The following RNF157 variants were observed in gnomAD, a reference collection of about 807,000 sequenced individuals.
RNF157 encodes ring finger protein 157.
Under a neutral mutation model 88.3 loss-of-function variants are expected in RNF157, and 55 were observed. That is an observed-to-expected ratio of 0.62 (90% CI 0.50 to 0.78). The LOEUF (loss-of-function observed/expected upper bound fraction) is 0.78. RNF157 is among the 30% of genes least tolerant of loss of function. The pLI is 0.00. For synonymous variants in RNF157, 334 were observed against 341.2 expected (o/e 0.98, Z 0.23); for missense variants, 788 against 860.8 (o/e 0.92, Z 1.06).
intron 8 of RNF157, chr17:76,164,425 A>G: frequency 4.9e-6 from 1 of 204,794 alleles, no homozygotes. Flanking sequence ...CCCTAAACCC[A>G]ATGTTGGGAA....
rs2070360577 is a variant in RNF157 at position 76,240,385 on chromosome 17, G to A, written c.-145C>T. ...TGCGGCGCTGCGGCTCTGGCGGCGG[G>A]GAGCCCCCGGCGCGCCGCGCACCAT... On this transcript the variant is annotated 5_prime_UTR_variant, in exon 1 of 19. Coordinates refer to ENST00000269391, the MANE Select transcript of RNF157 (RefSeq NM_052916.3). This position sits in a 1 kb window ranked among gnomAD's most constrained non-coding sequence, Gnocchi z 4.4. The A allele has an allele frequency of 1.6e-5, 3 of 184,486 alleles. No individual in the cohort carries two copies. Among genetic ancestry groups the A allele is most frequent in the African/African-American group, 4.8e-5 (2 of 41,476 alleles). The allele number at this position is 184,486 out of a possible 1,614,324, so 11.4% of individuals were successfully genotyped here. A position where few individuals can be genotyped will look rare whatever the true frequency, so the allele number is the denominator to read the frequency against.
In RNF157 at chr17:76,219,304, A is replaced by C. The variant is rs189563171; in HGVS notation, c.89-6822T>G. On this transcript the variant is annotated intron_variant, in intron 1 of 18. Transcript: ENST00000269391. Reference sequence around the variant, plus strand: ...AAACAGACTACATAAAGACTATATAAATTTTTACATATATTTATATACATA... The same window carrying C: ...AAACAGACTACATAAAGACTATATACATTTTTACATATATTTATATACATA... Among the ~76,000 whole-genome samples the C allele has an allele frequency of 7.0e-4, 106 of 151,942 alleles. No homozygotes were observed. In the East Asian group the frequency reaches 0.017, roughly 24 times the overall value.
chr17:76,165,433 G>A lies in RNF157; in HGVS notation c.672+69C>T, dbSNP rs1011575977. ...TGCTGAGCTCAGGCACCCAGCAAAC[G>A]GGTTACATGTGTCTCACACGAAAGA... On this transcript the variant is annotated intron_variant, in intron 7 of 18. Coordinates refer to ENST00000269391, the MANE Select transcript of RNF157 (RefSeq NM_052916.3). The A allele has an allele frequency of 9.9e-6, 15 of 1,519,914 alleles. No individual in the cohort carries two copies. The African/African-American group carries it at 1.1e-4, about 11-fold the overall frequency. 94.2% of individuals were successfully genotyped at this position (1,519,914 alleles called of 1,614,324 possible).
At position 76,144,764 on chromosome 17, in the gene RNF157, G is replaced by T. The variant is rs77315634; in HGVS notation, c.*471C>A. The stretch of plus-strand genomic sequence containing the variant: ...GCTTGTAGAGGGAAACGCTACGTCC[G>T]TGCAGTATGGCTCTCCCTTTCCACA... On this transcript the variant is annotated 3_prime_UTR_variant, in exon 19 of 19. Coordinates refer to ENST00000269391, the MANE Select transcript of RNF157 (RefSeq NM_052916.3). The T allele has an allele frequency of 0.012, 1,803 of 154,050 alleles. 20 individuals are homozygous for T. The highest frequency in any genetic ancestry group is 0.023 in the Middle Eastern group (7 of 304). 9.5% of individuals were successfully genotyped at this position (154,050 alleles called of 1,614,324 possible). A position where few individuals can be genotyped will look rare whatever the true frequency, so the allele number is the denominator to read the frequency against.
intron 2 of RNF157, among the ~76,000 whole-genome samples, chr17:76,194,867 T>G (rs867870795): frequency 2.0e-5 from 3 of 151,840 alleles, no homozygotes; most frequent in Non-Finnish European, 2.9e-5. Flanking sequence ...TACAAAAAAT[T>G]AGCCAGGCGT....
chr17:76,229,824 T>C (rs2070156765), intron 1 of RNF157, among the ~76,000 whole-genome samples: 1 of 151,974 alleles, frequency 6.6e-6, no homozygotes, highest in African/African-American at 2.4e-5. Flanking sequence ...GTTTTTCTTC[T>C]AAGATATAAG....
intron 1 of RNF157, among the ~76,000 whole-genome samples, chr17:76,220,786 T>C (rs1178675818): frequency 6.6e-6 from 1 of 152,016 alleles, no homozygotes; most frequent in Non-Finnish European, 1.5e-5. Context: ...GGTGAAACCC[T>C]GTCTCTACTA....
chr17:76,166,537 A>T lies in RNF157; in HGVS notation c.562-10T>A. On this transcript the variant is annotated splice_polypyrimidine_tract_variant and intron_variant, in intron 5 of 18. Coordinates refer to ENST00000269391, the MANE Select transcript of RNF157 (RefSeq NM_052916.3). ...CTAAATCAAAGCCAAGCTGAAGGGA[A>T]AGAAAAGGAAAGGAAAAAAAAAGAG... is the stretch of plus-strand genomic sequence containing the variant. 1 of 1,612,074 alleles carries T rather than the reference A, an allele frequency of 6.2e-7. No homozygotes were observed. The highest frequency in any genetic ancestry group is 8.5e-7 in the Non-Finnish European group (1 of 1,178,168).
intron 2 of RNF157, among the ~76,000 whole-genome samples, chr17:76,210,398 G>A (rs542421311): frequency 5.9e-5 from 9 of 151,640 alleles, no homozygotes; most frequent in South Asian, 4.2e-4. Context: ...AGACCATCCT[G>A]GCTAACACAG....
Position 76,144,915 on chromosome 17 carries a change from C to G in RNF157, c.*320G>C, listed in dbSNP as rs1376715343. 3 of 252,698 alleles carry G rather than the reference C, an allele frequency of 1.2e-5. No individual in the cohort carries two copies. The highest frequency in any genetic ancestry group is 6.7e-5 in the African/African-American group (3 of 44,976). The allele number at this position is 252,698 out of a possible 1,614,324, so 15.7% of individuals were successfully genotyped here. A position where few individuals can be genotyped will look rare whatever the true frequency, so the allele number is the denominator to read the frequency against. On this transcript the variant is annotated 3_prime_UTR_variant, in exon 19 of 19. Coordinates refer to ENST00000269391, the MANE Select transcript of RNF157 (RefSeq NM_052916.3). ...AAACTCTAAGCCTTCTTGTTCTACC[C>G]CCTAAGGAGAAAAAAGATGTGTAAG...
intron 9 of RNF157, 127 bp downstream of exon 9, chr17:76,162,425 C>A: frequency 2.8e-6 from 2 of 710,788 alleles, no homozygotes; most frequent in East Asian, 2.8e-5. Context: ...AAATGAGGAA[C>A]AAGAAAATAC....
At chr17:76,217,486 T>C (rs1167728104) in intron 1 of RNF157, among the ~76,000 whole-genome samples, 4 of 152,146 alleles carry the variant, frequency 2.6e-5, no homozygotes, top group Non-Finnish European at 4.4e-5. Flanking sequence ...TTGCTCAGTC[T>C]TTCTAGAGGG....
intron 18 of RNF157, among the ~76,000 whole-genome samples, chr17:76,149,601 T>A (rs1441236162): frequency 6.6e-6 from 1 of 152,116 alleles, no homozygotes; most frequent in Non-Finnish European, 1.5e-5. Context: ...TCCAGCAAAT[T>A]TTCTGCCAGT....
chr17:76,209,142 C>T (rs563938797), intron 2 of RNF157, among the ~76,000 whole-genome samples: 7 of 151,882 alleles, frequency 4.6e-5, no homozygotes, highest in African/African-American at 1.2e-4. Flanking sequence ...AAACTGGACT[C>T]GAATTCTCCT....
At chr17:76,229,205 A>C (rs575020026) in intron 1 of RNF157, among the ~76,000 whole-genome samples, 8 of 152,068 alleles carry the variant, frequency 5.3e-5, no homozygotes, top group Non-Finnish European at 1.0e-4. Context: ...TTCACTTTTC[A>C]CCATACAGAT....
At chr17:76,166,889 G>A in intron 5 of RNF157, 120 bp downstream of exon 5, 1 of 681,222 alleles carries the variant, frequency 1.5e-6, no homozygotes, top group East Asian at 2.5e-5. Flanking sequence ...AAGTCACAAG[G>A]CTGAAAGGTA....
Position 76,172,798 on chromosome 17 carries a change from G to C in RNF157, c.296+904C>G, listed in dbSNP as rs182382754. Among the ~76,000 whole-genome samples the C allele has an allele frequency of 5.9e-5, 9 of 152,076 alleles. No homozygotes were observed. In the East Asian group the frequency reaches 1.5e-3, roughly 26 times the overall value. ...GCCCTAACCAAATTTTTTCACCAGA[G>C]AATCAGACAGCCTTGGTAGACATAT... On this transcript the variant is annotated intron_variant, in intron 3 of 18. Transcript: ENST00000269391.
At chr17:76,218,920 CA>C (rs1241031020) in intron 1 of RNF157, among the ~76,000 whole-genome samples, 1 of 151,196 alleles carries the variant, frequency 6.6e-6, no homozygotes, top group Non-Finnish European at 1.5e-5. Context: ...GGTGACAGAG[CA>C]AGACTCCATC....
chr17:76,226,291 G>A lies in RNF157; in HGVS notation c.89-13809C>T, dbSNP rs530543865. On this transcript the variant is annotated intron_variant, in intron 1 of 18. Transcript: ENST00000269391. ...CTAAACTAAAGGAATGATCTGGAGT[G>A]GAGGACTGGACCCCTGGGGAAAGGG... The A allele has an allele frequency of 6.8e-6, 11 of 1,608,802 alleles. No homozygotes were observed. The Admixed American group carries it at 1.2e-4, about 17-fold the overall frequency.
Sources: allele counts gnomAD v4.1 joint callset (sites outside exome capture counted in the v4.1 genomes callset), GRCh38; gene constraint gnomAD v4.1.1; non-coding constraint Gnocchi (gnomAD v3.1); transcripts MANE v1.5; gene names NCBI Gene and HGNC (gene_info 2026-07-23, HGNC 2026-07-21).